The following MITD1 variants were observed in gnomAD, a reference collection of about 807,000 sequenced individuals.
MITD1 encodes MIT domain-containing protein 1.
MITD1 carries 24 observed loss-of-function variants against 34.9 expected under a neutral mutation model. The ratio of observed to expected loss-of-function variants is 0.69; its 90% CI spans 0.50 to 0.97. The LOEUF is 0.97. Among genes scored for constraint, MITD1 ranks in the 50% least tolerant of loss-of-function variants. MITD1 has a pLI of 0.00. For missense variants in MITD1, 266 were observed against 294.6 expected (o/e 0.90, Z 0.71); for synonymous variants, 102 against 101.4 (o/e 1.01, Z -0.04).
rs1480796678 is a variant in MITD1 at position 99,170,623 on chromosome 2, G to T, written c.507C>A (p.Gly169=). The T allele has an allele frequency of 3.1e-6, 5 of 1,605,126 alleles. No homozygotes were observed. The highest frequency in any genetic ancestry group is 4.3e-6 in the Non-Finnish European group (5 of 1,172,894). Residue 169 remains glycine, a synonymous_variant, in exon 5 of 7, where the codon GGC becomes GGA. Transcript: ENST00000289359. The stretch of plus-strand genomic sequence containing the variant: ...TGAGTGACTCTTCTATTTCTTGCAG[G>T]CCTCTACTTTGCTGCACTTGCTCAA... ...EGIEQVQQSR[G]LQEIEESLRS... is the part of the protein sequence containing the mutation.
intron 1 of MITD1, among the ~76,000 whole-genome samples, chr2:99,180,026 C>A (rs2093908031): frequency 6.6e-6 from 1 of 152,090 alleles, no homozygotes; most frequent in Non-Finnish European, 1.5e-5. Flanking sequence ...AGGAGCTGAT[C>A]TTATCAATTT....
At chr2:99,170,284 A>G (rs1449180048) in intron 5 of MITD1, among the ~76,000 whole-genome samples, 1 of 152,146 alleles carries the variant, frequency 6.6e-6, no homozygotes, top group Non-Finnish European at 1.5e-5. Flanking sequence ...CTTTTTCTAT[A>G]TGACACAGAA....
chr2:99,171,534 A>C lies in MITD1; in HGVS notation c.366T>G (p.Asp122Glu). 1 of 1,611,140 alleles carries C rather than the reference A, an allele frequency of 6.2e-7. No individual in the cohort carries two copies. The highest frequency in any genetic ancestry group is 8.5e-7 in the Non-Finnish European group (1 of 1,177,550). ...CCTGATGAGTATGTCTAATATAAGG[A>C]TCTTCTATCCAAACTTCTGTAACTG... Reference protein sequence around the residue: ...NETVTEVWIEDPYIRHTHQLY... With the variant: ...NETVTEVWIEEPYIRHTHQLY... Residue 122 changes from aspartate to glutamate, a missense_variant, in exon 3 of 7, where the codon GAT becomes GAG. Asp to Glu is a conservative substitution (Grantham distance 45). Coordinates refer to ENST00000289359, the MANE Select transcript of MITD1 (RefSeq NM_138798.3).
downstream of MITD1, among the ~76,000 whole-genome samples, chr2:99,166,885 ATATATATATAT>A (rs1559174831): frequency 3.5e-3 from 480 of 136,048 alleles, 2 homozygotes; most frequent in African/African-American, 0.013. Flanking sequence ...ATATATATAT[ATATATATATAT>A]AAATTTTTCA....
chr2:99,180,434 A>C (rs2093911283), intron 1 of MITD1, among the ~76,000 whole-genome samples: 1 of 152,222 alleles, frequency 6.6e-6, no homozygotes, highest in South Asian at 2.1e-4. Flanking sequence ...TCTAAAAATT[A>C]AGGAAAGTTT....
At chr2:99,174,150 C>A in intron 1 of MITD1, 134 bp from the exon 2 acceptor site, 1 of 564,136 alleles carries the variant, frequency 1.8e-6, no homozygotes, top group South Asian at 2.3e-5. Context: ...CTCAAACACA[C>A]ACAATAAACT....
At chr2:99,176,009 C>T (rs943514783) in intron 1 of MITD1, among the ~76,000 whole-genome samples, 2 of 152,254 alleles carry the variant, frequency 1.3e-5, no homozygotes, top group African/African-American at 2.4e-5. Flanking sequence ...GACATGATCT[C>T]GGCTCACTGC....
chr2:99,179,433 A>G (rs2093903689), intron 1 of MITD1, among the ~76,000 whole-genome samples: 1 of 152,202 alleles, frequency 6.6e-6, no homozygotes, highest in Non-Finnish European at 1.5e-5. Context: ...GTACGGATGA[A>G]ACGAGATCAT....
chr2:99,178,860 T>C (rs1392778965), intron 1 of MITD1, among the ~76,000 whole-genome samples: 2 of 152,216 alleles, frequency 1.3e-5, no homozygotes, highest in Admixed American at 1.3e-4. Flanking sequence ...AGCCCCTATC[T>C]ACCTTTAAAC....
At chr2:99,166,485 A>C (rs2964968), downstream of MITD1, among the ~76,000 whole-genome samples, 1 of 125,814 alleles carries the variant, frequency 7.9e-6, no homozygotes, top group African/African-American at 2.7e-5. Context: ...TGAGGAAATA[A>C]GAAAAAAAAA....
chr2:99,180,971 G>C lies in MITD1; in HGVS notation c.11C>G (p.Ser4Cys), dbSNP rs753859939. 3.7e-6 allele frequency: 6 copies of C among 1,613,468 alleles called. No individual in the cohort carries two copies. The highest frequency in any genetic ancestry group is 2.2e-5 in the South Asian group (2 of 90,954). MAKSGLRQDPQSTA... is the reference protein window; with the variant it reads MAKCGLRQDPQSTA... ...GCTCTGCGGGTCCTGCCTCAGCCCG[G>C]ACTTCGCCATAATTCTGGAAGTTCT... The change falls in exon 1 of 7, where the codon TCC (serine) becomes TGC (cysteine). Residue 4 changes from serine to cysteine, a missense_variant. Transcript: ENST00000289359.
At chr2:99,180,377 A>T (rs561150255) in intron 1 of MITD1, among the ~76,000 whole-genome samples, 58 of 152,354 alleles carry the variant, frequency 3.8e-4, no homozygotes, top group Admixed American at 6.5e-4. Context: ...AGGAAAATTA[A>T]CTAAAGACAT....
intron 7 of MITD1, chr2:99,162,590 A>C (rs2093804561): frequency 1.4e-5 from 23 of 1,614,134 alleles, no homozygotes; most frequent in Non-Finnish European, 1.9e-5. Context: ...TACCTTCCTT[A>C]GTGAAAAATC....
chr2:99,169,334 T>C lies in MITD1; in HGVS notation c.*41A>G. On this transcript the variant is annotated 3_prime_UTR_variant, in exon 7 of 7. Transcript: ENST00000289359. ...GTGATCTTTTAAAAAAAATCCAATA[T>C]TCACTTAAAGTAGACATAATACAAA... The C allele has an allele frequency of 9.9e-7, 1 of 1,007,948 alleles. No homozygotes were observed. The highest frequency in any genetic ancestry group is 1.5e-5 in the South Asian group (1 of 68,614). 62.4% of individuals were successfully genotyped at this position (1,007,948 alleles called of 1,614,324 possible). A position where few individuals can be genotyped will look rare whatever the true frequency, so the allele number is the denominator to read the frequency against.
rs780434700 is a variant in MITD1, at chr2:99,171,695, A to T, written c.254-49T>A. ...TAAAACCAGTGACCATTTTTTTTTT[A>T]CACATTTTATATTTTATATAGAGTG... On this transcript the variant is annotated intron_variant, in intron 2 of 6. Transcript: ENST00000289359. 15 of 1,499,332 alleles carry T rather than the reference A, an allele frequency of 1.0e-5. No individual in the cohort carries two copies. In the African/African-American group the frequency reaches 2.1e-4, roughly 21 times the overall value. The allele number at this position is 1,499,332 out of a possible 1,614,324, so 92.9% of individuals were successfully genotyped here. A position where few individuals can be genotyped will look rare whatever the true frequency, so the allele number is the denominator to read the frequency against.
At chr2:99,170,106 C>T (rs2093847287) in intron 5 of MITD1, among the ~76,000 whole-genome samples, 2 of 152,190 alleles carry the variant, frequency 1.3e-5, no homozygotes, top group Admixed American at 1.3e-4. Context: ...ACTAAAATAA[C>T]TGCATATTCT....
intron 2 of MITD1, chr2:99,173,231 T>C (rs940425805): frequency 4.0e-6 from 1 of 247,698 alleles, no homozygotes; most frequent in African/African-American, 2.2e-5. Flanking sequence ...GGGAAAGGGG[T>C]GTAGAAAGTA....
At chr2:99,174,766 T>C (rs1302687417) in intron 1 of MITD1, among the ~76,000 whole-genome samples, 1 of 152,190 alleles carries the variant, frequency 6.6e-6, no homozygotes, top group African/African-American at 2.4e-5. Flanking sequence ...AGTTTTTGTA[T>C]TTTTAGTAGA....
At chr2:99,162,098 G>C (rs2093798002) in exon 8 of MITD1, 4 of 1,613,952 alleles carry the variant, frequency 2.5e-6, no homozygotes, top group Non-Finnish European at 3.4e-6. Flanking sequence ...ATCTGGCTGT[G>C]GAAGACTGGA....
Sources: gnomAD v4.1 joint callset for allele counts (sites outside exome capture counted in the v4.1 genomes callset) on GRCh38, gnomAD v4.1.1 for gene constraint, MANE v1.5 for transcripts, NCBI Gene and HGNC (gene_info 2026-07-23, HGNC 2026-07-21) for gene names.